The following NBAS variants were observed in gnomAD, a reference collection of about 807,000 sequenced individuals.
NBAS encodes the protein NAG/BC035112 fusion.
In NBAS, 219 loss-of-function variants were observed where a neutral mutation model predicts 302.5. The ratio of observed to expected loss-of-function variants is 0.72; its 90% CI spans 0.65 to 0.81. The LOEUF is 0.81. NBAS is among the 30% of genes least tolerant of loss of function. NBAS has a pLI of 0.00. For synonymous variants in NBAS, 1,118 were observed against 1,021.6 expected (o/e 1.09, Z -1.80); for missense variants, 2,932 against 2,841.6 (o/e 1.03, Z -0.72).
At chr2:14,951,300 C>T in the NBAS span, among the ~76,000 whole-genome samples, 232 of 152,286 alleles carry the variant, frequency 1.5e-3, no homozygotes, top group African/African-American at 4.7e-3. Context: ...GCTCGACCCC[C>T]CTCCCATCTT....
chr2:14,819,544 A>G, the NBAS span, among the ~76,000 whole-genome samples: 1 of 152,262 alleles, frequency 6.6e-6, no homozygotes, highest in Non-Finnish European at 1.5e-5. Flanking sequence ...CATAAAACCC[A>G]GAAGTAAATG....
At chr2:14,991,994 G>C in the NBAS span, among the ~76,000 whole-genome samples, 1 of 152,194 alleles carries the variant, frequency 6.6e-6, no homozygotes, top group Non-Finnish European at 1.5e-5. Context: ...GGCTGAGAGG[G>C]TGGAGATAGT....
the NBAS span, among the ~76,000 whole-genome samples, chr2:15,100,182 C>T: frequency 6.6e-6 from 1 of 151,996 alleles, no homozygotes; most frequent in Non-Finnish European, 1.5e-5. Context: ...GTAATGACCC[C>T]GAATGATGAT....
At chr2:15,113,256 T>C in the NBAS span, among the ~76,000 whole-genome samples, 74 of 151,728 alleles carry the variant, frequency 4.9e-4, 1 homozygote, top group African/African-American at 1.7e-3. Flanking sequence ...ATAATATAAA[T>C]ATGGTTACAT....
chr2:15,323,493 G>C (rs1336435971), intron 38 of NBAS, among the ~76,000 whole-genome samples: 2 of 152,144 alleles, frequency 1.3e-5, no homozygotes, highest in Non-Finnish European at 2.9e-5. Context: ...CCTAATATCT[G>C]AAGTGAAACT....
intron 9 of NBAS, among the ~76,000 whole-genome samples, chr2:15,515,240 G>GC (rs1553330160): frequency 1.3e-5 from 2 of 149,356 alleles, no homozygotes; most frequent in African/African-American, 4.9e-5. Context: ...CTCTAAAACA[G>GC]AAAAAAAAAA....
intron 22 of NBAS, among the ~76,000 whole-genome samples, chr2:15,426,394 G>T (rs1677479676): frequency 6.6e-6 from 1 of 152,100 alleles, no homozygotes; most frequent in Non-Finnish European, 1.5e-5. Context: ...CAATAGGCTT[G>T]AATTATTTCT....
At chr2:15,550,997 G>T (rs976201886) in intron 6 of NBAS, among the ~76,000 whole-genome samples, 5 of 152,116 alleles carry the variant, frequency 3.3e-5, no homozygotes, top group Non-Finnish European at 7.4e-5. Context: ...AATTAGATTT[G>T]TCAAAGTTTG....
chr2:14,830,377 T>G, the NBAS span, among the ~76,000 whole-genome samples: 4 of 152,164 alleles, frequency 2.6e-5, no homozygotes, highest in African/African-American at 9.6e-5. Flanking sequence ...ATGATTACCC[T>G]GATTGGTTTC....
At chr2:15,252,826 T>G (rs546468821) in intron 44 of NBAS, among the ~76,000 whole-genome samples, 10 of 152,208 alleles carry the variant, frequency 6.6e-5, no homozygotes, top group African/African-American at 2.4e-4. Flanking sequence ...CAAAGGTAAA[T>G]TAAGACAGAA....
chr2:15,473,308 GAGCCAAGGACAAGGC>G lies in NBAS; in HGVS notation c.1624_1638del (p.Ala542_Ala546del). The G allele has an allele frequency of 6.2e-7, 1 of 1,614,078 alleles. No individual in the cohort carries two copies. Among genetic ancestry groups the G allele is most frequent in the Non-Finnish European group, 8.5e-7 (1 of 1,179,936 alleles). On this transcript the variant is annotated inframe_deletion, in exon 16 of 52. Coordinates refer to ENST00000281513, the MANE Select transcript of NBAS (RefSeq NM_015909.4). ...AGGTCAGTATCCAGGCCGTAGGTAT[GAGCCAAGGACAAGGC>G]TTCCTCATACTCTTCACTTTCAATC...
chr2:14,925,028 G>A, the NBAS span, among the ~76,000 whole-genome samples: 3 of 152,114 alleles, frequency 2.0e-5, no homozygotes, highest in Non-Finnish European at 4.4e-5. Flanking sequence ...CTCAAATAAG[G>A]TAAGCGAATT....
At chr2:15,281,681 A>C (rs532527670) in intron 42 of NBAS, among the ~76,000 whole-genome samples, 1 of 152,328 alleles carries the variant, frequency 6.6e-6, no homozygotes, top group African/African-American at 2.4e-5. Context: ...CAACTTGTCT[A>C]TCAATAATAT....
At chr2:15,495,266 G>A (rs1473757934) in intron 11 of NBAS, among the ~76,000 whole-genome samples, 3 of 152,072 alleles carry the variant, frequency 2.0e-5, no homozygotes, top group Non-Finnish European at 4.4e-5. Context: ...AAACAGATAC[G>A]ATCCTCTTGA....
At chr2:15,232,359 G>C in intron 47 of NBAS, 63 bp downstream of exon 47, 1 of 1,484,672 alleles carries the variant, frequency 6.7e-7, no homozygotes, top group East Asian at 2.3e-5. Flanking sequence ...CGGATACTAA[G>C]AGCAATTCTA....
At chr2:15,041,827 C>T in the NBAS span, among the ~76,000 whole-genome samples, 1 of 152,204 alleles carries the variant, frequency 6.6e-6, no homozygotes, top group African/African-American at 2.4e-5. Flanking sequence ...GCTCTGCCGG[C>T]TTTGGTGTTC....
the NBAS span, chr2:14,890,451 C>T: frequency 6.6e-6 from 1 of 152,168 alleles, no homozygotes; most frequent in Non-Finnish European, 1.5e-5. Context: ...GCACTCTTTA[C>T]TGATAAGGGT....
the NBAS span, among the ~76,000 whole-genome samples, chr2:15,144,045 A>ATGT: frequency 2.7e-5 from 3 of 110,812 alleles, no homozygotes; most frequent in Non-Finnish European, 5.0e-5. Flanking sequence ...TCCTATATAT[A>ATGT]AAAATATATA....
chr2:15,478,030 G>T (rs376944227), intron 13 of NBAS, among the ~76,000 whole-genome samples, 196 bp downstream of exon 13: 157 of 152,314 alleles, frequency 1.0e-3, no homozygotes, highest in African/African-American at 3.8e-3. Context: ...CTGGCTCCTG[G>T]CAGGAGAGCC....
Sources: allele counts gnomAD v4.1 joint callset (sites outside exome capture counted in the v4.1 genomes callset), GRCh38; gene constraint gnomAD v4.1.1; transcripts MANE v1.5; gene names NCBI Gene and HGNC (gene_info 2026-07-23, HGNC 2026-07-21).